The following ESR1 variants were observed in gnomAD, a reference collection of about 807,000 sequenced individuals.
The protein encoded by ESR1 is estrogen receptor 1, also known as estrogen receptor.
ESR1 carries 12 observed loss-of-function variants against 52.7 expected under a neutral mutation model. That is an observed-to-expected ratio of 0.23 (90% CI 0.15 to 0.37). ESR1 has a LOEUF of 0.37. Among genes scored for constraint, ESR1 ranks in the 10% least tolerant of loss-of-function variants. The pLI is 1.00. For synonymous variants in ESR1, 305 were observed against 316.8 expected, an observed-to-expected ratio of 0.96 and a Z score of 0.39; for missense variants, 584 against 779.7, an observed-to-expected ratio of 0.75 and a Z score of 2.99.
At chr6:151,716,677 TC>T (rs1781064484) in intron 2 of ESR1, among the ~76,000 whole-genome samples, 1 of 152,018 alleles carries the variant, frequency 6.6e-6, no homozygotes, top group South Asian at 2.1e-4. Flanking sequence ...CGGATGCCCC[TC>T]CCCCCACCAA....
intron 3 of ESR1, among the ~76,000 whole-genome samples, chr6:151,931,314 A>G (rs1436514678): frequency 6.6e-6 from 1 of 152,152 alleles, no homozygotes; most frequent in African/African-American, 2.4e-5. Context: ...TTAGTCCTCA[A>G]AGACATTTTT....
At chr6:151,708,473 T>C (rs851977) in intron 2 of ESR1, among the ~76,000 whole-genome samples, 48,029 of 151,938 alleles carry the variant, frequency 0.32, 8,159 homozygotes, top group African/African-American at 0.44. Flanking sequence ...GTATGTGTAT[T>C]TTTACATTTC....
At chr6:151,748,017 C>A (rs1050671066) in intron 2 of ESR1, among the ~76,000 whole-genome samples, 1 of 152,016 alleles carries the variant, frequency 6.6e-6, no homozygotes, top group Non-Finnish European at 1.5e-5. Context: ...ATTTCTGAGT[C>A]ATATGGTAAC....
At chr6:151,915,777 T>C (rs1303820703) in intron 3 of ESR1, among the ~76,000 whole-genome samples, 2 of 152,214 alleles carry the variant, frequency 1.3e-5, no homozygotes, top group Non-Finnish European at 2.9e-5. Context: ...TTTGGATTTT[T>C]TTCTGCTACC....
At chr6:151,659,538 T>G (rs1408351603) in intron 1 of ESR1, among the ~76,000 whole-genome samples, 1 of 152,228 alleles carries the variant, frequency 6.6e-6, no homozygotes, top group Non-Finnish European at 1.5e-5. Flanking sequence ...TCATGGCTAA[T>G]GAATGCTAAT....
At chr6:151,824,470 C>A (rs9479125) in intron 1 of ESR1, among the ~76,000 whole-genome samples, 34,292 of 151,966 alleles carry the variant, frequency 0.23, 4,844 homozygotes, top group African/African-American at 0.4. Context: ...GAAGCTCTTT[C>A]GTTTAATTAG....
intron 6 of ESR1, among the ~76,000 whole-genome samples, chr6:152,092,243 G>A (rs2050245125): frequency 6.6e-6 from 1 of 152,228 alleles, no homozygotes; most frequent in African/African-American, 2.4e-5. Flanking sequence ...TCTCTCTGCT[G>A]CTTACTCATT....
At chr6:151,896,091 G>T (rs187173785) in intron 3 of ESR1, among the ~76,000 whole-genome samples, 4 of 152,274 alleles carry the variant, frequency 2.6e-5, no homozygotes, top group Admixed American at 6.5e-5. Context: ...GAGCCACAGC[G>T]CCCGGCCAGA....
chr6:151,738,482 C>G (rs193066535), intron 2 of ESR1, among the ~76,000 whole-genome samples: 2 of 152,326 alleles, frequency 1.3e-5, no homozygotes, highest in East Asian at 3.9e-4. Context: ...ATCCCACCAA[C>G]AGTGCACAAG....
intron 1 of ESR1, among the ~76,000 whole-genome samples, chr6:151,675,636 T>A (rs1444064547): frequency 3.9e-5 from 6 of 152,188 alleles, no homozygotes; most frequent in African/African-American, 1.4e-4. Flanking sequence ...AAAAAAGCCA[T>A]CATTTTAGGC....
At chr6:152,037,684 T>A (rs112242960) in intron 5 of ESR1, among the ~76,000 whole-genome samples, 5 of 152,276 alleles carry the variant, frequency 3.3e-5, no homozygotes, top group African/African-American at 1.2e-4. Context: ...TTCTCAATTA[T>A]CCCTAGAACA....
rs1030880266 is a variant in ESR1, at chr6:151,795,316, G to A, written c.-70-12527G>A. Among the ~76,000 whole-genome samples, 7 of 151,652 alleles carry A rather than the reference G, an allele frequency of 4.6e-5. No individual in the cohort carries two copies. In the South Asian group the frequency reaches 6.2e-4, roughly 14 times the overall value. ...AGCCTGGGCAACATGGCGAAACCCC[G>A]CCTCTACTAAAAATACAAAAATTAG... is the stretch of plus-strand genomic sequence containing the variant. On this transcript the variant is annotated intron_variant, in intron 2 of 2. Transcript: ENST00000404742.
intron 2 of ESR1, among the ~76,000 whole-genome samples, chr6:151,778,942 G>GT (rs35801479): frequency 7.1e-4 from 107 of 150,546 alleles, no homozygotes; most frequent in Non-Finnish European, 8.7e-4. Context: ...AAGAAAGCCT[G>GT]TTTTTTTTTT....
rs2128156275 is a variant in ESR1 at position 151,808,103 on chromosome 6, C to T, written c.191C>T (p.Ala64Val). 1.9e-6 allele frequency: 3 copies of T among 1,611,470 alleles called. No homozygotes were observed. Among genetic ancestry groups the T allele is most frequent in the Non-Finnish European group, 2.5e-6 (3 of 1,179,374 alleles). ...GAGGGCGCCGCCTACGAGTTCAACGCCGCGGCCGCCGCCAACGCGCAGGTC... is the reference window on the plus strand; with the variant it reads ...GAGGGCGCCGCCTACGAGTTCAACGTCGCGGCCGCCGCCAACGCGCAGGTC... ...YPEGAAYEFN[A>V]AAAANAQVYG... The change falls in exon 1 of 8, where the codon GCC (alanine) becomes GTC (valine). Residue 64 changes from alanine (A) to valine (V), a missense_variant. Physicochemically the swap from Ala to Val is moderately conservative, Grantham distance 64 (BLOSUM62 0). Coordinates refer to ENST00000206249, the MANE Select transcript of ESR1 (RefSeq NM_000125.4).
chr6:152,003,750 C>T (rs1208767700), intron 4 of ESR1, among the ~76,000 whole-genome samples: 4 of 151,890 alleles, frequency 2.6e-5, no homozygotes, highest in Non-Finnish European at 4.4e-5. Context: ...GTCAAAGATA[C>T]AAGTGACATT....
chr6:151,944,968 C>T (rs992924474), intron 4 of ESR1, among the ~76,000 whole-genome samples: 2 of 152,274 alleles, frequency 1.3e-5, no homozygotes, highest in African/African-American at 4.8e-5. Flanking sequence ...GTAATCCTAG[C>T]ACTTTTTGGG....
intron 1 of ESR1, among the ~76,000 whole-genome samples, chr6:151,835,856 G>C (rs1002553860): frequency 2.0e-5 from 3 of 151,992 alleles, no homozygotes; most frequent in Non-Finnish European, 4.4e-5. Context: ...ATAGGCAGAA[G>C]TTTGAGATTT....
At chr6:151,976,096 C>T (rs1286073518) in intron 4 of ESR1, among the ~76,000 whole-genome samples, 1 of 152,024 alleles carries the variant, frequency 6.6e-6, no homozygotes, top group Non-Finnish European at 1.5e-5. Context: ...ATTACTTTTA[C>T]CAGCCCCAGA....
intron 2 of ESR1, among the ~76,000 whole-genome samples, chr6:151,759,286 A>AG (rs1784497314): frequency 6.6e-6 from 1 of 151,292 alleles, no homozygotes. Flanking sequence ...AAAAAAAAAA[A>AG]AAAGAAAACC....
Sources: gnomAD v4.1 joint callset for allele counts (sites outside exome capture counted in the v4.1 genomes callset) on GRCh38, gnomAD v4.1.1 for gene constraint, MANE v1.5 for transcripts, NCBI Gene and HGNC (gene_info 2026-07-23, HGNC 2026-07-21) for gene names.